Variants in TRPM8 observed in about 807,000 individuals in gnomAD.
The protein encoded by TRPM8 is TRPM8 cationic channel.
TRPM8 carries 110 observed loss-of-function variants against 133.7 expected under a neutral mutation model. That is an observed-to-expected ratio of 0.82 (90% CI 0.70 to 0.96). TRPM8 has a LOEUF of 0.96. TRPM8 is among the 40% of genes least tolerant of loss of function. TRPM8 has a pLI of 0.00. For synonymous variants in TRPM8, 535 were observed against 532.3 expected, an observed-to-expected ratio of 1.01 and a Z score of -0.07; for missense variants, 1,291 against 1,379.5, an observed-to-expected ratio of 0.94 and a Z score of 1.02.
At chr2:233,957,321 G>GCC (rs35745753) in intron 11 of TRPM8, among the ~76,000 whole-genome samples, 7 of 138,176 alleles carry the variant, frequency 5.1e-5, no homozygotes, top group East Asian at 4.3e-4. Flanking sequence ...CCCCACCTCT[G>GCC]CCCCCCCCAA....
chr2:233,972,374 C>A (rs1691747798), intron 17 of TRPM8, among the ~76,000 whole-genome samples: 1 of 152,258 alleles, frequency 6.6e-6, no homozygotes, highest in African/African-American at 2.4e-5. Flanking sequence ...TTCTCCACGT[C>A]CCCACCAGAC....
At chr2:233,930,537 C>T in intron 2 of TRPM8, 131 bp from the exon 3 acceptor site, 1 of 606,648 alleles carries the variant, frequency 1.6e-6, no homozygotes, top group Non-Finnish European at 2.7e-6. Flanking sequence ...TGAACAAATG[C>T]TGGATGCTAT....
chr2:233,982,987 C>T lies in TRPM8; in HGVS notation c.2590-66C>T, dbSNP rs541284893. On this transcript the variant is annotated intron_variant, in intron 19 of 25. Coordinates refer to ENST00000324695, the MANE Select transcript of TRPM8 (RefSeq NM_024080.5). ...TTCTCCATGGTCCACTGAGGACGGC[C>T]GGGCCGGGGGGACTTGCCAACTGTG... 2.5e-4 allele frequency: 381 copies of T among 1,554,062 alleles called. 2 individuals are homozygous for T. The highest frequency in any genetic ancestry group is 5.2e-4 in the East Asian group (23 of 44,186).
chr2:233,963,955 A>T (rs1188630290), intron 13 of TRPM8, among the ~76,000 whole-genome samples: 1 of 152,154 alleles, frequency 6.6e-6, no homozygotes, highest in Non-Finnish European at 1.5e-5. Flanking sequence ...TCCCACTATC[A>T]CGGTCTTACT....
chr2:233,926,655 G>A lies in TRPM8; in HGVS notation c.117+1G>A, dbSNP rs370995120. On this transcript the variant is annotated splice_donor_variant, in intron 2 of 25. Transcript: ENST00000324695. LOFTEE classifies it high-confidence loss of function. ...CACAGACTTGTCTTACAGTGAAAGC[G>A]TAAGTCATGCGCATCACCTGTTTGA... The A allele has an allele frequency of 5.6e-6, 9 of 1,609,698 alleles. No individual in the cohort carries two copies. The highest frequency in any genetic ancestry group is 1.3e-5 in the African/African-American group (1 of 74,844).
chr2:234,012,659 G>A (rs1316591498), intron 24 of TRPM8, among the ~76,000 whole-genome samples: 1 of 152,100 alleles, frequency 6.6e-6, no homozygotes, highest in Non-Finnish European at 1.5e-5. Flanking sequence ...TAGCAGTGGT[G>A]AGAATGGGCA....
chr2:233,952,371 G>T (rs1259045243), intron 9 of TRPM8, among the ~76,000 whole-genome samples: 2 of 152,158 alleles, frequency 1.3e-5, no homozygotes, highest in African/African-American at 2.4e-5. Context: ...TGCCGAGGGA[G>T]CCTGGCCTGG....
Position 233,980,270 on chromosome 2 carries a change from T to C in TRPM8, c.2438T>C (p.Ile813Thr), listed in dbSNP as rs1691973609. ...GGGCTTTTTTACTTCATAGCAGGAATTGTATTTCGGTAAGTAGTCTCATCA... is the reference window on the plus strand; with the variant it reads ...GGGCTTTTTTACTTCATAGCAGGAACTGTATTTCGGTAAGTAGTCTCATCA... ...TLGLFYFIAGIVFRLHSSNKS... is the reference protein window; with the variant it reads ...TLGLFYFIAGTVFRLHSSNKS... The change falls in exon 18 of 26, where the codon ATT becomes ACT. Residue 813 changes from isoleucine (I) to threonine (T), a missense_variant. By Grantham distance (89) the Ile-to-Thr change is moderately conservative (BLOSUM62 -1). Transcript: ENST00000324695. 1 of 1,595,092 alleles carries C rather than the reference T, an allele frequency of 6.3e-7. No individual in the cohort carries two copies. Among genetic ancestry groups the C allele is most frequent in the South Asian group, 1.1e-5 (1 of 87,190 alleles).
intron 2 of TRPM8, among the ~76,000 whole-genome samples, chr2:233,927,962 T>TCTCTCTCTCTCTCTCTCTCTCTCTCTC (rs1559516800): frequency 6.4e-5 from 2 of 31,420 alleles, no homozygotes; most frequent in Non-Finnish European, 5.0e-5. Context: ...CTCTCTCTCT[T>TCTCTCTCTCTCTCTCTCTCTCTCTCTC]TCTTTCTTTC....
At chr2:233,973,750 C>T (rs1691792500) in intron 17 of TRPM8, among the ~76,000 whole-genome samples, 1 of 152,164 alleles carries the variant, frequency 6.6e-6, no homozygotes, top group Admixed American at 6.5e-5. Flanking sequence ...ATGTATGTGT[C>T]AGCAGCAGCG....
chr2:234,010,626 C>T (rs1235577688), intron 24 of TRPM8, among the ~76,000 whole-genome samples: 2 of 152,154 alleles, frequency 1.3e-5, no homozygotes, highest in Non-Finnish European at 2.9e-5. Context: ...CGCCTTTTCC[C>T]ACCTCCTTGC....
intron 17 of TRPM8, among the ~76,000 whole-genome samples, chr2:233,978,198 A>T (rs1034008176): frequency 2.0e-3 from 299 of 146,110 alleles, no homozygotes; most frequent in Admixed American, 5.1e-3. Context: ...GGAATATTAT[A>T]GTGTGTGTGT....
chr2:233,932,023 A>C (rs1405976384), intron 3 of TRPM8, among the ~76,000 whole-genome samples: 1 of 152,238 alleles, frequency 6.6e-6, no homozygotes, highest in African/African-American at 2.4e-5. Flanking sequence ...TGCCTTCTCT[A>C]TACCGTCAGT....
chr2:233,962,943 A>C (rs1170980216), intron 12 of TRPM8, among the ~76,000 whole-genome samples: 1 of 152,170 alleles, frequency 6.6e-6, no homozygotes, highest in African/African-American at 2.4e-5. Flanking sequence ...AGTTTGAAGA[A>C]TTTTTTTCTA....
At position 233,946,010 on chromosome 2, in the gene TRPM8, T is replaced by G; in HGVS notation, c.854T>G (p.Ile285Ser). Reference sequence around the variant, plus strand: ...CTCCGGAATCAGCTAGAGAAGTATATCTCTGAGCGCACTATTCAAGGTCAG... The same window carrying G: ...CTCCGGAATCAGCTAGAGAAGTATAGCTCTGAGCGCACTATTCAAGGTCAG... ...AKLRNQLEKY[I>S]SERTIQDSNY... is the part of the protein sequence containing the mutation. Residue 285 changes from isoleucine (I) to serine (S), a missense_variant, in exon 7 of 26, where the codon ATC becomes AGC. This residue lies in a region of TRPM8 where 963 missense variants were observed against 968.9 expected (regional missense o/e 0.99). Transcript: ENST00000324695. 1 of 1,614,052 alleles carries G rather than the reference T, an allele frequency of 6.2e-7. No homozygotes were observed. The highest frequency in any genetic ancestry group is 8.5e-7 in the Non-Finnish European group (1 of 1,179,976).
chr2:234,003,945 G>C (rs572642076), intron 22 of TRPM8, among the ~76,000 whole-genome samples: 5 of 152,160 alleles, frequency 3.3e-5, no homozygotes, highest in Non-Finnish European at 5.9e-5. Flanking sequence ...CTCCAGATTA[G>C]GGGTGAGGTT....
chr2:233,932,704 G>T (rs1691704638), intron 3 of TRPM8, among the ~76,000 whole-genome samples: 2 of 151,846 alleles, frequency 1.3e-5, no homozygotes, highest in Non-Finnish European at 2.9e-5. Context: ...CGGAGCACAG[G>T]AACACCTCAG....
In TRPM8 at chr2:233,953,929, C is replaced by T; in HGVS notation, c.1153C>T (p.Leu385Phe). ...ESWIKWLKEI[L>F]ECSHLLTVIK... ...TTAATTTCGCCAGCTCAAAGAAATT[C>T]TCGAATGTTCTCACCTATTAACAGT... The change falls in exon 10 of 26, where the codon CTC becomes TTC. Residue 385 changes from leucine to phenylalanine, a missense_variant. Leu to Phe is a conservative substitution (Grantham distance 22, BLOSUM62 0). Transcript: ENST00000324695. 1 of 1,611,386 alleles carries T rather than the reference C, an allele frequency of 6.2e-7. No individual in the cohort carries two copies. Among genetic ancestry groups the T allele is most frequent in the Non-Finnish European group, 8.5e-7 (1 of 1,179,272 alleles).
At chr2:233,990,793 G>GACC (rs1396082334) in intron 21 of TRPM8, among the ~76,000 whole-genome samples, 2 of 152,098 alleles carry the variant, frequency 1.3e-5, no homozygotes, top group African/African-American at 4.8e-5. Flanking sequence ...GGGAGGCTCT[G>GACC]ACCACCTCAT....
Sources: gnomAD v4.1 joint callset for allele counts (sites outside exome capture counted in the v4.1 genomes callset) on GRCh38, gnomAD v4.1.1 for gene constraint, gnomAD v4.1.1 regional missense constraint, MANE v1.5 for transcripts, NCBI Gene and HGNC (gene_info 2026-07-23, HGNC 2026-07-21) for gene names.